Variants in TSC22D1 observed in about 807,000 individuals in gnomAD.
TSC22D1 encodes the protein TSC22 domain family member 1, also known as TSC22 domain family protein 1.
TSC22D1 carries 9 observed loss-of-function variants against 74.2 expected under a neutral mutation model. The observed-to-expected ratio is 0.12, with a 90% CI of 0.07 to 0.21. The LOEUF is 0.21. Among genes scored for constraint, TSC22D1 ranks in the 10% least tolerant of loss-of-function variants. TSC22D1 has a pLI of 1.00. For synonymous variants in TSC22D1, 586 were observed against 492.5 expected, an observed-to-expected ratio of 1.19 and a Z score of -2.51; for missense variants, 1,427 against 1,304.7, an observed-to-expected ratio of 1.09 and a Z score of -1.44.
chr13:44,549,930 C>G (rs1291436422), intron 1 of TSC22D1, among the ~76,000 whole-genome samples: 1 of 152,070 alleles, frequency 6.6e-6, no homozygotes, highest in African/African-American at 2.4e-5. Context: ...ACATGACATT[C>G]TAAATGTCAA....
At chr13:44,503,135 C>G (rs1422370734) in intron 1 of TSC22D1, among the ~76,000 whole-genome samples, 1 of 152,008 alleles carries the variant, frequency 6.6e-6, no homozygotes, top group Non-Finnish European at 1.5e-5. Flanking sequence ...TAGAGACATG[C>G]TAATATGTGT....
chr13:44,560,342 C>T (rs1291025856), intron 1 of TSC22D1, among the ~76,000 whole-genome samples: 1 of 152,100 alleles, frequency 6.6e-6, no homozygotes, highest in East Asian at 1.9e-4. Context: ...TATACCTAAA[C>T]ATCTAAATCA....
intron 1 of TSC22D1, among the ~76,000 whole-genome samples, chr13:44,517,886 G>T (rs1384984267): frequency 6.6e-5 from 4 of 60,210 alleles, no homozygotes; most frequent in Admixed American, 6.3e-4. Context: ...TTTTAACAAG[G>T]TCTCACTGAG....
rs141048575 is a variant in TSC22D1, at chr13:44,477,244, T to G, written c.2913-41149A>C. ...CTGGGACTGCAGGCGTGAGCCACCATGCCTGGCCAACCTGACCTATATTTT... is the reference window on the plus strand; with the variant it reads ...CTGGGACTGCAGGCGTGAGCCACCAGGCCTGGCCAACCTGACCTATATTTT... On this transcript the variant is annotated intron_variant, in intron 1 of 2. Transcript: ENST00000458659. 1.1e-3 allele frequency among the ~76,000 whole-genome samples: 172 copies of G among 152,236 alleles called. 1 individual carries two copies. The highest frequency in any genetic ancestry group is 0.01 in the Middle Eastern group (3 of 294).
At chr13:44,497,364 T>C (rs1879023531) in intron 1 of TSC22D1, among the ~76,000 whole-genome samples, 1 of 152,178 alleles carries the variant, frequency 6.6e-6, no homozygotes, top group Admixed American at 6.5e-5. Context: ...AGAAAGCATA[T>C]TGGTGGGTGC....
At chr13:44,439,165 T>C (rs1044003217) in intron 1 of TSC22D1, among the ~76,000 whole-genome samples, 5 of 152,228 alleles carry the variant, frequency 3.3e-5, no homozygotes, top group African/African-American at 7.2e-5. Flanking sequence ...CATTTTCCTA[T>C]TGAAGGACAT....
chr13:44,569,887 T>C (rs1883638547), intron 1 of TSC22D1, among the ~76,000 whole-genome samples: 2 of 152,210 alleles, frequency 1.3e-5, no homozygotes, highest in Admixed American at 1.3e-4. Context: ...AATTCATCCC[T>C]GCCCTTGAGG....
Position 44,575,146 on chromosome 13 carries a change from G to A in TSC22D1, c.929C>T (p.Thr310Ile). The A allele has an allele frequency of 1.9e-6, 3 of 1,614,144 alleles. No homozygotes were observed. The highest frequency in any genetic ancestry group is 1.3e-5 in the African/African-American group (1 of 75,038). Residue 310 changes from threonine to isoleucine, a missense_variant, in exon 1 of 3, where the codon ACT becomes ATT. This residue lies in a region of TSC22D1 where 1,343 missense variants were observed against 1,191.5 expected (regional missense o/e 1.13). Coordinates refer to ENST00000458659, the MANE Select transcript of TSC22D1 (RefSeq NM_183422.4). ...GGIGINSVTG[T>I]STVNNVNITA... The stretch of plus-strand genomic sequence containing the variant: ...AATGTTAACATTATTTACTGTACTA[G>A]TGCCAGTAACAGAATTTATACCTAT...
At chr13:44,521,437 T>C (rs928686904) in intron 1 of TSC22D1, among the ~76,000 whole-genome samples, 3 of 152,090 alleles carry the variant, frequency 2.0e-5, no homozygotes, top group African/African-American at 7.2e-5. Context: ...TCCCCTCTTC[T>C]GGCCTCCTGG....
rs576894197 is a variant in TSC22D1, at chr13:44,556,500, C to T, written c.2912+16663G>A. ...AGCGGAGGTTGCAGTGAACCGAGAT[C>T]GTGCAAATGCACTCCAGTCTGGGTG... On this transcript the variant is annotated intron_variant, in intron 1 of 2. Transcript: ENST00000458659. Among the ~76,000 whole-genome samples the T allele has an allele frequency of 2.4e-4, 36 of 150,816 alleles. 1 individual carries two copies. The highest frequency in any genetic ancestry group is 4.9e-4 in the Non-Finnish European group (33 of 67,784).
chr13:44,461,676 A>G (rs974075346), intron 1 of TSC22D1, among the ~76,000 whole-genome samples: 2 of 152,196 alleles, frequency 1.3e-5, no homozygotes, highest in Non-Finnish European at 2.9e-5. Context: ...CTCTGAAATA[A>G]TTACAGTATG....
chr13:44,508,055 A>G (rs1879518209), intron 1 of TSC22D1, among the ~76,000 whole-genome samples: 1 of 152,228 alleles, frequency 6.6e-6, no homozygotes, highest in Admixed American at 6.5e-5. Context: ...TGAAGTTATA[A>G]TAGATTTGGA....
chr13:44,532,844 T>C (rs1046898980), intron 1 of TSC22D1, among the ~76,000 whole-genome samples: 4 of 152,152 alleles, frequency 2.6e-5, no homozygotes, highest in Non-Finnish European at 4.4e-5. Context: ...GGATACTTAA[T>C]ATGTAGAAGA....
intron 1 of TSC22D1, chr13:44,436,380 A>C: frequency 7.7e-7 from 1 of 1,297,432 alleles, no homozygotes; most frequent in Middle Eastern, 2.1e-4. Flanking sequence ...ATTTCGAAAA[A>C]CAACATCCAT....
intron 1 of TSC22D1, among the ~76,000 whole-genome samples, chr13:44,440,354 G>C (rs560709102): frequency 7.9e-5 from 12 of 152,220 alleles, no homozygotes; most frequent in Admixed American, 4.6e-4. Context: ...TGAGATGGGC[G>C]GATCACTTGA....
At chr13:44,488,486 C>T (rs1174072354) in intron 1 of TSC22D1, among the ~76,000 whole-genome samples, 6 of 152,082 alleles carry the variant, frequency 3.9e-5, no homozygotes, top group African/African-American at 9.7e-5. Flanking sequence ...TTTTAAATTA[C>T]GCATAAGGCT....
chr13:44,516,307 C>A, intron 1 of TSC22D1: 1 of 464,226 alleles, frequency 2.2e-6, no homozygotes, highest in Non-Finnish European at 4.2e-6. Context: ...ACCAGCTCCC[C>A]TCTACCACAG....
At chr13:44,547,156 C>T (rs918546935) in intron 1 of TSC22D1, among the ~76,000 whole-genome samples, 1 of 152,052 alleles carries the variant, frequency 6.6e-6, no homozygotes, top group African/African-American at 2.4e-5. Flanking sequence ...TGGTTCCATA[C>T]TCGACACGCC....
intron 1 of TSC22D1, among the ~76,000 whole-genome samples, chr13:44,483,563 T>A (rs1039075366): frequency 6.6e-6 from 1 of 150,820 alleles, no homozygotes; most frequent in African/African-American, 2.4e-5. Context: ...GTCCCAGCAA[T>A]AGGCTGAGGC....
Sources: gnomAD v4.1 joint callset for allele counts (sites outside exome capture counted in the v4.1 genomes callset) on GRCh38, gnomAD v4.1.1 for gene constraint, gnomAD v4.1.1 regional missense constraint, MANE v1.5 for transcripts, NCBI Gene and HGNC (gene_info 2026-07-23, HGNC 2026-07-21) for gene names.